The following AKAP7 variants were observed in gnomAD, a reference collection of about 807,000 sequenced individuals.
AKAP7 encodes the protein A-kinase anchoring protein 7.
Under a neutral mutation model 39.5 loss-of-function variants are expected in AKAP7, and 39 were observed. The ratio of observed to expected loss-of-function variants is 0.99; its 90% CI spans 0.76 to 1.29. The LOEUF (loss-of-function observed/expected upper bound fraction) is 1.29, where lower values mean the gene tolerates loss of function less well. Ranked by LOEUF, AKAP7 falls within the 50% of genes most tolerant of loss-of-function variation. The pLI, the probability that AKAP7 is intolerant of heterozygous loss-of-function variation, is 0.00. For missense variants in AKAP7, 414 were observed against 407.7 expected, an observed-to-expected ratio of 1.02 and a Z score of -0.13; for synonymous variants, 140 against 139.1, an observed-to-expected ratio of 1.01 and a Z score of -0.05.
chr6:131,259,560 TG>T (rs1813136468), intron 7 of AKAP7, among the ~76,000 whole-genome samples: 1 of 152,228 alleles, frequency 6.6e-6, no homozygotes, highest in African/African-American at 2.4e-5. Flanking sequence ...CATTTTCTTT[TG>T]GTGGTCTTAG....
intron 7 of AKAP7, among the ~76,000 whole-genome samples, chr6:131,232,478 C>T (rs1038887706): frequency 3.9e-5 from 6 of 152,128 alleles, no homozygotes; most frequent in South Asian, 2.1e-4. Context: ...CCACATTAAT[C>T]GATGTTTATT....
At chr6:131,275,526 A>C (rs1179869360) in intron 7 of AKAP7, among the ~76,000 whole-genome samples, 1 of 152,238 alleles carries the variant, frequency 6.6e-6, no homozygotes, top group Non-Finnish European at 1.5e-5. Flanking sequence ...TGAGAATCAT[A>C]ATATAGAGTC....
intron 7 of AKAP7, among the ~76,000 whole-genome samples, chr6:131,249,382 T>G (rs1316760406): frequency 6.6e-6 from 1 of 152,160 alleles, no homozygotes; most frequent in Non-Finnish European, 1.5e-5. Flanking sequence ...TTTGTAAAAT[T>G]GACAATTTTC....
At chr6:131,127,108 C>T in the AKAP7 span, among the ~76,000 whole-genome samples, 20 of 151,952 alleles carry the variant, frequency 1.3e-4, no homozygotes, top group South Asian at 6.2e-4. Context: ...TGCAGTGGCG[C>T]GATCTCGGCT....
Position 131,282,859 on chromosome 6 carries a change from GTGAGA to G in AKAP7, c.*1135_*1139del, listed in dbSNP as rs1585241549. ...AGAAATGATTTCTTAATTAGCTGTT[GTGAGA>G]TATTTCTCGGGTCCTTGCAGAAAAA... On this transcript the variant is annotated 3_prime_UTR_variant, in exon 8 of 8. Transcript: ENST00000431975. 3.0e-6 allele frequency: 1 copy of G among 334,830 alleles called. No homozygotes were observed. Among genetic ancestry groups the G allele is most frequent in the East Asian group, 5.1e-5 (1 of 19,466 alleles). The allele number at this position is 334,830 out of a possible 1,614,324, so 20.7% of individuals were successfully genotyped here. A position where few individuals can be genotyped will look rare whatever the true frequency, so the allele number is the denominator to read the frequency against.
rs202174852 is a variant in AKAP7 at position 131,141,901 on chromosome 6, T to TTC, written c.20-3383_20-3382insCT. On this transcript the variant is annotated intron_variant, in intron 1 of 7. Coordinates refer to ENST00000431975, the MANE Select transcript of AKAP7 (RefSeq NM_016377.4). The stretch of plus-strand genomic sequence containing the variant: ...AGAAGAAATTTCTTTCTTTCTTTCT[T>TTC]TTTTTTTTTTTTTTTTTGCAACAGG... Among the ~76,000 whole-genome samples the TTC allele has an allele frequency of 3.4e-3, 471 of 138,706 alleles. 2 individuals are homozygous for TTC. Among genetic ancestry groups the TTC allele is most frequent in the African/African-American group, 0.013 (443 of 34,360 alleles). The allele number at this position is 138,706 out of a possible 152,430, so 91.0% of individuals were successfully genotyped here.
chr6:131,161,944 A>G (rs1803009080), intron 3 of AKAP7, among the ~76,000 whole-genome samples: 1 of 152,142 alleles, frequency 6.6e-6, no homozygotes, highest in Non-Finnish European at 1.5e-5. Flanking sequence ...TGTGATTGGA[A>G]GAGAATCCAG....
At chr6:131,218,337 A>G (rs1809384077) in intron 6 of AKAP7, among the ~76,000 whole-genome samples, 1 of 152,232 alleles carries the variant, frequency 6.6e-6, no homozygotes, top group Non-Finnish European at 1.5e-5. Flanking sequence ...GCACATCTGT[A>G]TATTATTATA....
chr6:131,167,371 T>A (rs1266769553), intron 4 of AKAP7, among the ~76,000 whole-genome samples: 1 of 152,170 alleles, frequency 6.6e-6, no homozygotes, highest in Non-Finnish European at 1.5e-5. Context: ...CTTTAAAGAA[T>A]AACGACATAG....
chr6:131,159,204 C>T (rs1802704955), intron 2 of AKAP7, among the ~76,000 whole-genome samples: 1 of 152,170 alleles, frequency 6.6e-6, no homozygotes, highest in African/African-American at 2.4e-5. Context: ...TGCCATTCTC[C>T]TGCCTCAGCC....
rs771091668 is a variant in AKAP7, at chr6:131,281,851, T to TAATA, written c.*126_*129dup. ...TCTGGTGCAATCTGTGAAGATTGCCTAATACTTTTCATGATCGATGTGTTC... is the reference window on the plus strand; with the variant it reads ...TCTGGTGCAATCTGTGAAGATTGCCTAATAAATACTTTTCATGATCGATGTGTTC... On this transcript the variant is annotated 3_prime_UTR_variant, in exon 8 of 8. Coordinates refer to ENST00000431975, the MANE Select transcript of AKAP7 (RefSeq NM_016377.4). This position sits in a 1 kb window ranked among gnomAD's most constrained non-coding sequence, Gnocchi z 4.0. 3.6e-5 allele frequency: 47 copies of TAATA among 1,305,802 alleles called. No homozygotes were observed. The highest frequency in any genetic ancestry group is 4.6e-5 in the Non-Finnish European group (47 of 1,022,228). 80.9% of individuals were successfully genotyped at this position (1,305,802 alleles called of 1,614,324 possible).
chr6:131,182,422 C>T (rs991919594), intron 5 of AKAP7, among the ~76,000 whole-genome samples: 1 of 152,176 alleles, frequency 6.6e-6, no homozygotes, highest in Admixed American at 6.5e-5. Context: ...TTGTGACTGG[C>T]TGATTTCACT....
Position 131,161,770 on chromosome 6 carries a change from C to T in AKAP7, c.291+1572C>T, listed in dbSNP as rs1802991489. Among the ~76,000 whole-genome samples the T allele has an allele frequency of 1.4e-5, 2 of 143,766 alleles. 1 individual carries two copies. Among genetic ancestry groups the T allele is most frequent in the South Asian group, 4.7e-4 (2 of 4,298 alleles). 94.3% of individuals were successfully genotyped at this position (143,766 alleles called of 152,430 possible). A position where few individuals can be genotyped will look rare whatever the true frequency, so the allele number is the denominator to read the frequency against. Reference sequence around the variant, plus strand: ...AGCAATTATACATTTTATTAAAATACTTGCAAGTTTGGTTTGAAATTTAGG... The same window carrying T: ...AGCAATTATACATTTTATTAAAATATTTGCAAGTTTGGTTTGAAATTTAGG... On this transcript the variant is annotated intron_variant, in intron 3 of 7. Coordinates refer to ENST00000431975, the MANE Select transcript of AKAP7 (RefSeq NM_016377.4).
upstream of AKAP7, among the ~76,000 whole-genome samples, chr6:131,134,378 T>A (rs79212517): frequency 0.02 from 3,119 of 152,344 alleles, 56 homozygotes; most frequent in Non-Finnish European, 0.033. Context: ...AGTCTTTAGT[T>A]TCTGAACTGT....
intron 2 of AKAP7, among the ~76,000 whole-genome samples, chr6:131,156,569 G>A (rs1467320704): frequency 6.6e-6 from 1 of 152,020 alleles, no homozygotes; most frequent in Non-Finnish European, 1.5e-5. Flanking sequence ...AGCCCCAGGA[G>A]TTCGAGGTTA....
chr6:131,145,263 T>C (rs1351083700), intron 1 of AKAP7, 22 bp from the exon 2 acceptor site: 9 of 1,369,174 alleles, frequency 6.6e-6, no homozygotes, highest in Non-Finnish European at 6.8e-6. Flanking sequence ...ATCCTTTTTT[T>C]TCTGTTTGTG....
At chr6:131,200,229 T>G (rs1807422482) in intron 6 of AKAP7, among the ~76,000 whole-genome samples, 1 of 152,188 alleles carries the variant, frequency 6.6e-6, no homozygotes, top group Non-Finnish European at 1.5e-5. Context: ...CCACCCCTTC[T>G]TCCCGCAGAA....
chr6:131,209,544 C>T (rs560258982), intron 6 of AKAP7, among the ~76,000 whole-genome samples: 1 of 152,208 alleles, frequency 6.6e-6, no homozygotes, highest in South Asian at 2.1e-4. Context: ...GCCACCACAC[C>T]CAGCCCGATA....
intron 6 of AKAP7, among the ~76,000 whole-genome samples, chr6:131,214,118 G>T (rs535014321): frequency 6.6e-6 from 1 of 152,106 alleles, no homozygotes; most frequent in Non-Finnish European, 1.5e-5. Context: ...ATTAGGAATC[G>T]TGTTGTCTTC....
Sources: allele counts gnomAD v4.1 joint callset (sites outside exome capture counted in the v4.1 genomes callset), GRCh38; gene constraint gnomAD v4.1.1; non-coding constraint Gnocchi (gnomAD v3.1); transcripts MANE v1.5; gene names NCBI Gene and HGNC (gene_info 2026-07-23, HGNC 2026-07-21).